CENPW: variants seen among roughly 807,000 people sequenced by gnomAD.
CENPW encodes cancer-up-regulated gene 2 protein.
A neutral mutation model predicts 11.1 loss-of-function variants in CENPW; 3 were observed. The observed-to-expected ratio is 0.27, with a 90% CI of 0.12 to 0.70. CENPW has a LOEUF of 0.70. CENPW is among the 30% of genes least tolerant of loss of function. CENPW has a pLI of 0.77. For synonymous variants in CENPW, 38 were observed against 42.0 expected (o/e 0.91, Z 0.37); for missense variants, 100 against 105.6 (o/e 0.95, Z 0.23).
chr6:126,350,858 A>T (rs1780483031), downstream of CENPW, among the ~76,000 whole-genome samples: 1 of 152,138 alleles, frequency 6.6e-6, no homozygotes, highest in South Asian at 2.1e-4. Context: ...GAACAAAAAT[A>T]GTTATAAATA....
chr6:126,462,516 TC>T, the CENPW span, among the ~76,000 whole-genome samples: 1 of 146,764 alleles, frequency 6.8e-6, no homozygotes, highest in Non-Finnish European at 1.5e-5. Context: ...TCTTTCTCTC[TC>T]TCTCTCTCTC....
the CENPW span, among the ~76,000 whole-genome samples, chr6:126,356,644 T>C: frequency 1.3e-5 from 2 of 152,166 alleles, no homozygotes; most frequent in Non-Finnish European, 2.9e-5. Context: ...TGGTATGAGA[T>C]AGTATCTCAT....
chr6:126,422,656 A>G, the CENPW span, among the ~76,000 whole-genome samples: 1 of 152,074 alleles, frequency 6.6e-6, no homozygotes, highest in Non-Finnish European at 1.5e-5. Context: ...GTTTTTTACC[A>G]TTCAGCTACA....
chr6:126,458,257 G>A, the CENPW span, among the ~76,000 whole-genome samples: 1 of 151,202 alleles, frequency 6.6e-6, no homozygotes. Flanking sequence ...TATTCTGAGC[G>A]ATCTCAGGAT....
the CENPW span, among the ~76,000 whole-genome samples, chr6:126,403,054 T>C: frequency 2.6e-5 from 4 of 152,128 alleles, no homozygotes; most frequent in African/African-American, 9.6e-5. Flanking sequence ...ATCAGAAATA[T>C]TTGATGTTAT....
the CENPW span, among the ~76,000 whole-genome samples, chr6:126,416,650 C>G: frequency 3.3e-5 from 5 of 152,040 alleles, no homozygotes; most frequent in Non-Finnish European, 7.4e-5. Context: ...TGAAAGGGGC[C>G]AATGTAGAGG....
intron 2 of CENPW, among the ~76,000 whole-genome samples, chr6:126,347,866 T>TA (rs1238048302): frequency 1.3e-5 from 2 of 152,136 alleles, no homozygotes; most frequent in East Asian, 3.9e-4. Flanking sequence ...TTTTTACAAC[T>TA]AAAAATCTCC....
chr6:126,384,177 G>C, the CENPW span, among the ~76,000 whole-genome samples: 1 of 152,118 alleles, frequency 6.6e-6, no homozygotes, highest in African/African-American at 2.4e-5. Flanking sequence ...AATTAAGGCA[G>C]AAATCAAGAA....
At chr6:126,384,921 A>C in the CENPW span, among the ~76,000 whole-genome samples, 1 of 152,132 alleles carries the variant, frequency 6.6e-6, no homozygotes, top group African/African-American at 2.4e-5. Flanking sequence ...TACAAGAAAA[A>C]ACAACCCCAT....
chr6:126,346,424 G>A (rs1406712295), intron 2 of CENPW, 106 bp downstream of exon 2: 2 of 537,634 alleles, frequency 3.7e-6, no homozygotes, highest in East Asian at 3.0e-5. Flanking sequence ...TGTTGATTGA[G>A]TCGATATTTG....
At chr6:126,355,518 T>C in the CENPW span, among the ~76,000 whole-genome samples, 1 of 150,614 alleles carries the variant, frequency 6.6e-6, no homozygotes, top group Non-Finnish European at 1.5e-5. Flanking sequence ...GAAAGCTGTA[T>C]TCCATAACCT....
intron 1 of CENPW, among the ~76,000 whole-genome samples, chr6:126,342,778 G>A (rs942910075): frequency 1.3e-5 from 2 of 151,922 alleles, no homozygotes; most frequent in African/African-American, 4.8e-5. Flanking sequence ...GGAAATTTTT[G>A]TATTCCTGGT....
intron 1 of CENPW, among the ~76,000 whole-genome samples, chr6:126,342,055 G>A (rs2128289424): frequency 6.6e-6 from 1 of 152,276 alleles, no homozygotes; most frequent in African/African-American, 2.4e-5. Flanking sequence ...TCACTGTCTT[G>A]AATGTGGCAT....
chr6:126,441,314 TC>T, the CENPW span, among the ~76,000 whole-genome samples: 1 of 151,456 alleles, frequency 6.6e-6, no homozygotes, highest in Non-Finnish European at 1.5e-5. Context: ...TTGGGCATTT[TC>T]CTTGGATGCT....
the CENPW span, among the ~76,000 whole-genome samples, chr6:126,451,149 A>G: frequency 6.6e-6 from 1 of 151,050 alleles, no homozygotes; most frequent in Non-Finnish European, 1.5e-5. Flanking sequence ...AAAGTTAAAT[A>G]TTAGAAATTT....
chr6:126,460,646 A>T, the CENPW span, among the ~76,000 whole-genome samples: 1 of 151,774 alleles, frequency 6.6e-6, no homozygotes, highest in Non-Finnish European at 1.5e-5. Flanking sequence ...CAGTAGTTAA[A>T]GCAGTAAAAA....
At chr6:126,415,617 G>T in the CENPW span, among the ~76,000 whole-genome samples, 2 of 152,128 alleles carry the variant, frequency 1.3e-5, no homozygotes, top group African/African-American at 2.4e-5. Flanking sequence ...ATTGTGGGAG[G>T]GACCTGGTGG....
the CENPW span, among the ~76,000 whole-genome samples, chr6:126,446,092 A>G: frequency 6.6e-6 from 1 of 151,188 alleles, no homozygotes; most frequent in South Asian, 2.1e-4. Flanking sequence ...AAACACTTTG[A>G]TGAATTAAGT....
the CENPW span, among the ~76,000 whole-genome samples, chr6:126,367,846 G>GA: frequency 9.3e-5 from 14 of 150,960 alleles, no homozygotes; most frequent in African/African-American, 1.9e-4. Flanking sequence ...ATTCAGGAAG[G>GA]AAAAAAAAAT....
Sources: gnomAD v4.1 joint callset for allele counts (sites outside exome capture counted in the v4.1 genomes callset) on GRCh38, gnomAD v4.1.1 for gene constraint, MANE v1.5 for transcripts, NCBI Gene and HGNC (gene_info 2026-07-23, HGNC 2026-07-21) for gene names.